Variants in SCOC observed in about 807,000 individuals in gnomAD.
The protein encoded by SCOC is short coiled-coil protein.
Under a neutral mutation model 9.9 loss-of-function variants are expected in SCOC, and 7 were observed. That is an observed-to-expected ratio of 0.71 (90% CI 0.40 to 1.33). The LOEUF (loss-of-function observed/expected upper bound fraction) is 1.33. Ranked by LOEUF, SCOC falls within the 40% of genes most tolerant of loss-of-function variation. SCOC has a pLI of 0.01. For missense variants in SCOC, 66 were observed against 89.7 expected, an observed-to-expected ratio of 0.74 and a Z score of 1.07; for synonymous variants, 19 against 28.2, an observed-to-expected ratio of 0.67 and a Z score of 1.03.
intron 1 of SCOC, among the ~76,000 whole-genome samples, chr4:140,287,195 ACAC>A (rs985372061): frequency 6.6e-6 from 1 of 151,866 alleles, no homozygotes; most frequent in African/African-American, 2.4e-5. Flanking sequence ...TGCTACACAC[ACAC>A]ATCATGTGCA....
In SCOC at chr4:140,381,078, A is replaced by C. The variant is rs1233897475; in HGVS notation, c.223A>C (p.Thr75Pro). ...LMSASSVFQT[T>P]DTKSKRK ...GTCAGCTTCTAGTGTTTTTCAAACA[A>C]CTGACACAAAAAGCAAAAGAAAGTA... The change falls in exon 4 of 4, where the codon ACT (threonine) becomes CCT (proline). Residue 75 changes from threonine to proline, a missense_variant. Thr to Pro is a conservative substitution (Grantham distance 38, BLOSUM62 -1). Transcript: ENST00000608372. 6.3e-7 allele frequency: 1 copy of C among 1,598,770 alleles called. No homozygotes were observed. Among genetic ancestry groups the C allele is most frequent in the African/African-American group, 1.4e-5 (1 of 73,710 alleles).
intron 2 of SCOC, among the ~76,000 whole-genome samples, chr4:140,365,284 A>G (rs1271649115): frequency 2.0e-5 from 3 of 152,138 alleles, no homozygotes; most frequent in Non-Finnish European, 4.4e-5. Flanking sequence ...CATGGTGGAG[A>G]TTGGTGCTTT....
chr4:140,292,537 C>T (rs1731505977), intron 1 of SCOC, among the ~76,000 whole-genome samples: 1 of 152,044 alleles, frequency 6.6e-6, no homozygotes, highest in Non-Finnish European at 1.5e-5. Flanking sequence ...TCTCACAGCT[C>T]CATTGGGATA....
At chr4:140,356,971 A>G (rs1727256726) in intron 2 of SCOC, among the ~76,000 whole-genome samples, 1 of 152,060 alleles carries the variant, frequency 6.6e-6, no homozygotes, top group Admixed American at 6.6e-5. Flanking sequence ...TTATTTATTT[A>G]TTTGTTCATT....
intron 2 of SCOC, among the ~76,000 whole-genome samples, chr4:140,350,030 G>A (rs1017358478): frequency 6.6e-6 from 1 of 152,154 alleles, no homozygotes; most frequent in African/African-American, 2.4e-5. Flanking sequence ...GACCCTTAAT[G>A]TTCCCTCCAC....
intron 2 of SCOC, among the ~76,000 whole-genome samples, chr4:140,351,787 CTG>C (rs1251293932): frequency 2.0e-5 from 3 of 152,056 alleles, no homozygotes; most frequent in Admixed American, 6.6e-5. Context: ...TATCAAGGGT[CTG>C]TATTCCTTTT....
intron 1 of SCOC, among the ~76,000 whole-genome samples, chr4:140,377,507 A>G (rs1728392794): frequency 6.6e-6 from 1 of 152,204 alleles, no homozygotes; most frequent in Non-Finnish European, 1.5e-5. Context: ...AATTAATTGT[A>G]TACCATTTGT....
chr4:140,343,507 C>A, intron 1 of SCOC: 1 of 635,736 alleles, frequency 1.6e-6, no homozygotes, highest in Non-Finnish European at 2.9e-6. Context: ...AAGAGGGTGG[C>A]TAGTGCAAGG....
At chr4:140,267,164 C>T (rs555327796) in intron 1 of SCOC, among the ~76,000 whole-genome samples, 9 of 152,166 alleles carry the variant, frequency 5.9e-5, no homozygotes, top group East Asian at 1.9e-4. Context: ...CAAGTCAAAT[C>T]GGTAAAGACA....
chr4:140,347,275 G>A (rs1349088334), intron 2 of SCOC, among the ~76,000 whole-genome samples: 1 of 152,034 alleles, frequency 6.6e-6, no homozygotes, highest in Non-Finnish European at 1.5e-5. Flanking sequence ...TTGGAGTACT[G>A]TGAAAAAATT....
At chr4:140,334,676 A>C (rs948437004) in intron 1 of SCOC, among the ~76,000 whole-genome samples, 37 of 152,214 alleles carry the variant, frequency 2.4e-4, no homozygotes, top group African/African-American at 8.7e-4. Context: ...AATTTTATGC[A>C]GCCGTTCTCT....
intron 1 of SCOC, among the ~76,000 whole-genome samples, chr4:140,286,539 G>A (rs1276205404): frequency 6.6e-6 from 1 of 152,178 alleles, no homozygotes; most frequent in African/African-American, 2.4e-5. Context: ...GATGTAACAC[G>A]GAATTAGAGA....
intron 1 of SCOC, among the ~76,000 whole-genome samples, chr4:140,293,835 T>C (rs949499354): frequency 6.6e-6 from 1 of 152,160 alleles, no homozygotes; most frequent in Non-Finnish European, 1.5e-5. Context: ...ATAGGATTCA[T>C]GGAGGCAGCC....
intron 3 of SCOC, among the ~76,000 whole-genome samples, 196 bp downstream of exon 3, chr4:140,379,848 A>G (rs1435337265): frequency 6.6e-6 from 1 of 152,192 alleles, no homozygotes; most frequent in Non-Finnish European, 1.5e-5. Context: ...AAATGTTGTT[A>G]TTGTGCTTCC....
intron 1 of SCOC, among the ~76,000 whole-genome samples, chr4:140,315,297 A>G (rs1732283085): frequency 6.6e-6 from 1 of 152,210 alleles, no homozygotes; most frequent in Admixed American, 6.5e-5. Context: ...GCCTAACAGT[A>G]TCTAACATTT....
chr4:140,335,950 A>G (rs1317713869), intron 1 of SCOC, among the ~76,000 whole-genome samples: 1 of 152,092 alleles, frequency 6.6e-6, no homozygotes, highest in Admixed American at 6.6e-5. Context: ...TATTGACCTC[A>G]GTGTTTATGC....
At chr4:140,287,406 C>T (rs1015661423) in intron 1 of SCOC, among the ~76,000 whole-genome samples, 3 of 151,502 alleles carry the variant, frequency 2.0e-5, no homozygotes, top group African/African-American at 7.3e-5. Context: ...CATATGTACA[C>T]ACACTACACA....
chr4:140,354,447 T>C (rs13138459), intron 2 of SCOC, among the ~76,000 whole-genome samples: 1 of 152,104 alleles, frequency 6.6e-6, no homozygotes, highest in Non-Finnish European at 1.5e-5. Flanking sequence ...GTGAAATATT[T>C]AGTGATCGTC....
chr4:140,303,313 ATCTT>A (rs1731867350), intron 1 of SCOC, among the ~76,000 whole-genome samples: 1 of 152,194 alleles, frequency 6.6e-6, no homozygotes, highest in African/African-American at 2.4e-5. Flanking sequence ...GAATAATTTT[ATCTT>A]TCTTTATCTC....
Sources: gnomAD v4.1 joint callset for allele counts (sites outside exome capture counted in the v4.1 genomes callset) on GRCh38, gnomAD v4.1.1 for gene constraint, MANE v1.5 for transcripts, NCBI Gene and HGNC (gene_info 2026-07-23, HGNC 2026-07-21) for gene names.